DOCK4: variants seen among roughly 807,000 people sequenced by gnomAD.
DOCK4 encodes dedicator of cytokinesis 4.
Under a neutral mutation model 268.1 loss-of-function variants are expected in DOCK4, and 97 were observed. The observed-to-expected ratio is 0.36, with a 90% CI of 0.31 to 0.43. DOCK4 has a LOEUF of 0.43. Ranked by LOEUF, DOCK4 falls within the 20% of genes least tolerant of loss-of-function variation. The probability of loss-of-function intolerance (pLI) is 1.00; values close to 1 mark genes in which losing one functional copy is unlikely to be tolerated. For synonymous variants in DOCK4, 954 were observed against 887.2 expected, an observed-to-expected ratio of 1.08 and a Z score of -1.34; for missense variants, 2,145 against 2,455.7, an observed-to-expected ratio of 0.87 and a Z score of 2.67.
intron 1 of DOCK4, among the ~76,000 whole-genome samples, chr7:112,109,786 C>T (rs1811471092): frequency 6.8e-6 from 1 of 146,280 alleles, no homozygotes; most frequent in Non-Finnish European, 1.5e-5. Flanking sequence ...GCTCTGTCGC[C>T]CAGGCTGGAG....
chr7:111,758,868 G>A, intron 40 of DOCK4, 78 bp from the exon 41 acceptor site: 2 of 1,349,950 alleles, frequency 1.5e-6, no homozygotes, highest in Non-Finnish European at 2.1e-6. Context: ...CTATGGCAGA[G>A]AGAAGAGGAT....
At chr7:111,945,217 C>T (rs1464052730) in intron 9 of DOCK4, among the ~76,000 whole-genome samples, 1 of 152,162 alleles carries the variant, frequency 6.6e-6, no homozygotes, top group African/African-American at 2.4e-5. Context: ...TGGAGTTTCG[C>T]TCTTGTTGCC....
intron 8 of DOCK4, among the ~76,000 whole-genome samples, chr7:111,962,949 C>A (rs558934813): frequency 6.6e-6 from 1 of 152,290 alleles, no homozygotes; most frequent in East Asian, 1.9e-4. Flanking sequence ...AAGGCCCACG[C>A]CAGCAGCTCA....
rs1349670380 is a variant in DOCK4 at position 111,877,118 on chromosome 7, G to C, written c.1656C>G (p.Phe552Leu). 6.3e-7 allele frequency: 1 copy of C among 1,592,606 alleles called. No individual in the cohort carries two copies. Among genetic ancestry groups the C allele is most frequent in the African/African-American group, 1.4e-5 (1 of 73,978 alleles). ...TCATGGCTTGATTATTATTCCCAAGGAAAATGCCCTTGGAAAAGGGAAGTT... is the reference window on the plus strand; with the variant it reads ...TCATGGCTTGATTATTATTCCCAAGCAAAATGCCCTTGGAAAAGGGAAGTT... ...YLKLPFSKGI[F>L]LGNNNQAMKA... Residue 552 changes from phenylalanine to leucine, a missense_variant, in exon 17 of 53, where the codon TTC (phenylalanine) becomes TTG (leucine). Transcript: ENST00000428084.
intron 3 of DOCK4, among the ~76,000 whole-genome samples, chr7:111,999,144 AAAC>A (rs1800214598): frequency 6.6e-6 from 1 of 152,180 alleles, no homozygotes; most frequent in Non-Finnish European, 1.5e-5. Flanking sequence ...AAATTGAAAG[AAAC>A]AACAACAAAA....
chr7:111,810,397 A>G (rs7457006), intron 28 of DOCK4, among the ~76,000 whole-genome samples: 10,512 of 152,002 alleles, frequency 0.069, 1,230 homozygotes, highest in African/African-American at 0.24. Flanking sequence ...GGTTGCAGTG[A>G]GCCGAGATTG....
intron 39 of DOCK4, among the ~76,000 whole-genome samples, chr7:111,762,758 T>C (rs1797499377): frequency 9.2e-6 from 1 of 108,704 alleles, no homozygotes; most frequent in Non-Finnish European, 1.8e-5. Context: ...TTTTGTTTTG[T>C]TTTCTTTTTT....
chr7:112,041,234 C>T (rs1804329188), intron 1 of DOCK4, among the ~76,000 whole-genome samples: 1 of 152,096 alleles, frequency 6.6e-6, no homozygotes, highest in African/African-American at 2.4e-5. Flanking sequence ...AGGTGAGACC[C>T]TGAGGTGTAG....
In DOCK4 at chr7:111,755,605, C is replaced by T; in HGVS notation, c.4330-4G>A. On this transcript the variant is annotated splice_region_variant and splice_polypyrimidine_tract_variant and intron_variant, in intron 41 of 52. Transcript: ENST00000428084. Reference sequence around the variant, plus strand: ...ACGTTCTCTCCACCCAGAGACTCTACAAAACACAAAACACATTAAGTCTCC... The same window carrying T: ...ACGTTCTCTCCACCCAGAGACTCTATAAAACACAAAACACATTAAGTCTCC... 6.2e-7 allele frequency: 1 copy of T among 1,613,536 alleles called. No homozygotes were observed. Among genetic ancestry groups the T allele is most frequent in the Non-Finnish European group, 8.5e-7 (1 of 1,179,564 alleles).
intron 1 of DOCK4, among the ~76,000 whole-genome samples, chr7:112,037,223 C>A (rs1803883504): frequency 6.6e-6 from 1 of 152,162 alleles, no homozygotes; most frequent in South Asian, 2.1e-4. Flanking sequence ...TGTAAGTTTT[C>A]TGAGCACGTT....
chr7:111,976,159 A>ATATATAT lies in DOCK4; in HGVS notation c.701+972_701+973insATATATA, dbSNP rs60579240. On this transcript the variant is annotated intron_variant, in intron 8 of 52. Coordinates refer to ENST00000428084, the MANE Select transcript of DOCK4 (RefSeq NM_001363540.2). ...CCATCTCAAAAAAAAAAAAAAAAAA[A>ATATATAT]AAATATATATATATATATACACACA... 1.3e-3 allele frequency among the ~76,000 whole-genome samples: 91 copies of ATATATAT among 70,148 alleles called. 3 individuals are homozygous for ATATATAT. The highest frequency in any genetic ancestry group is 3.0e-3 in the South Asian group (6 of 2,008). 46.0% of individuals were successfully genotyped at this position (70,148 alleles called of 152,430 possible).
chr7:111,924,315 T>C (rs1270556381), intron 12 of DOCK4, among the ~76,000 whole-genome samples: 1 of 152,148 alleles, frequency 6.6e-6, no homozygotes, highest in African/African-American at 2.4e-5. Flanking sequence ...AGCGACGATA[T>C]GGAGTGGGTT....
intron 26 of DOCK4, among the ~76,000 whole-genome samples, chr7:111,828,522 A>C (rs942823302): frequency 2.0e-5 from 3 of 152,208 alleles, no homozygotes; most frequent in African/African-American, 7.2e-5. Context: ...GTTAAAAAGA[A>C]AGGAAAAAGC....
At chr7:112,019,328 T>C (rs1802119862) in intron 1 of DOCK4, among the ~76,000 whole-genome samples, 1 of 152,200 alleles carries the variant, frequency 6.6e-6, no homozygotes, top group African/African-American at 2.4e-5. Flanking sequence ...AAAGTACATA[T>C]AAGATATGAC....
chr7:112,110,415 T>C (rs780749143), intron 1 of DOCK4, among the ~76,000 whole-genome samples: 1 of 152,200 alleles, frequency 6.6e-6, no homozygotes, highest in Non-Finnish European at 1.5e-5. Flanking sequence ...CTTAGAGCCA[T>C]AGTCTTCAGA....
intron 1 of DOCK4, among the ~76,000 whole-genome samples, chr7:112,189,474 G>A (rs546183958): frequency 6.6e-6 from 1 of 152,210 alleles, no homozygotes; most frequent in South Asian, 2.1e-4. Flanking sequence ...AGTATCTTCT[G>A]GCATTTAAAC....
intron 3 of DOCK4, among the ~76,000 whole-genome samples, chr7:111,999,356 T>A (rs536108771): frequency 1.3e-5 from 2 of 152,106 alleles, no homozygotes; most frequent in Non-Finnish European, 2.9e-5. Flanking sequence ...AATATATATA[T>A]GTAGATTTTT....
intron 30 of DOCK4, among the ~76,000 whole-genome samples, chr7:111,803,246 G>C (rs1478899357): frequency 6.6e-6 from 1 of 152,140 alleles, no homozygotes; most frequent in Admixed American, 6.5e-5. Flanking sequence ...ACATACTTTG[G>C]GAACACGGAA....
chr7:111,812,266 A>G (rs768055487), intron 27 of DOCK4, among the ~76,000 whole-genome samples: 11 of 152,186 alleles, frequency 7.2e-5, no homozygotes, highest in South Asian at 2.1e-4. Flanking sequence ...ATGATTTACT[A>G]CAAACATAAC....
Sources: allele counts gnomAD v4.1 joint callset (sites outside exome capture counted in the v4.1 genomes callset), GRCh38; gene constraint gnomAD v4.1.1; transcripts MANE v1.5; gene names NCBI Gene and HGNC (gene_info 2026-07-23, HGNC 2026-07-21).